TAF7L: variants seen among roughly 807,000 people sequenced by gnomAD.
TAF7L encodes the protein TATA-box binding protein associated factor 7 like.
TAF7L carries 6 observed loss-of-function variants against 30.2 expected under a neutral mutation model. The observed-to-expected ratio is 0.20, with a 90% CI of 0.11 to 0.39. The LOEUF (loss-of-function observed/expected upper bound fraction) is 0.39. Ranked by LOEUF, TAF7L falls within the 10% of genes least tolerant of loss-of-function variation. The pLI is 1.00. For synonymous variants in TAF7L, 93 were observed against 94.5 expected (o/e 0.98, Z 0.09); for missense variants, 284 against 277.1 (o/e 1.03, Z -0.18).
At chrX:101,275,324 G>GAAAA in intron 11 of TAF7L, 43 bp from the exon 12 acceptor site, 3 of 682,539 alleles carry the variant, frequency 4.4e-6, no homozygotes, top group Admixed American at 4.1e-5. Context: ...GAGTCTCAAA[G>GAAAA]AAAAAAAAAA....
chrX:101,274,441 A>C (rs1924090444), intron 12 of TAF7L, among the ~76,000 whole-genome samples: 1 of 111,163 alleles, frequency 9.0e-6, no homozygotes, highest in Non-Finnish European at 1.9e-5. Flanking sequence ...TCCTGAGCTA[A>C]AGCAATCCTC....
At chrX:101,271,036 T>C (rs574145753) in intron 12 of TAF7L, among the ~76,000 whole-genome samples, 2 of 111,536 alleles carry the variant, frequency 1.8e-5, no homozygotes, top group African/African-American at 6.5e-5. Context: ...TTAATATCCA[T>C]GGACAATCTG....
intron 12 of TAF7L, among the ~76,000 whole-genome samples, chrX:101,274,191 T>C (rs1022974386): frequency 1.8e-5 from 2 of 109,656 alleles, no homozygotes; most frequent in Admixed American, 9.9e-5. Flanking sequence ...CCAAATAACA[T>C]TGTTAGTTCA....
At position 101,279,968 on chromosome X, in the gene TAF7L, CAAA is replaced by C. The variant is rs1169963740; in HGVS notation, c.463-936_463-934del. Among the ~76,000 whole-genome samples, 366 of 100,448 alleles carry C rather than the reference CAAA, an allele frequency of 3.6e-3. 2 individuals carry two copies. Among genetic ancestry groups the C allele is most frequent in the African/African-American group, 0.012 (354 of 28,715 alleles). 87.2% of individuals were successfully genotyped at this position (100,448 alleles called of 115,157 possible). ...AACAAAAACAAAACAACAACAACAACAAAAAAAAAACCTTGAACTAAACCTCAT... is the reference window on the plus strand; with the variant it reads ...AACAAAAACAAAACAACAACAACAACAAAAAAACCTTGAACTAAACCTCAT... On this transcript the variant is annotated intron_variant, in intron 6 of 12. Transcript: ENST00000356784.
In TAF7L at chrX:101,291,272, T is replaced by C. The variant is rs1243437031; in HGVS notation, c.-51A>G. On this transcript the variant is annotated 5_prime_UTR_variant, in exon 1 of 13. Transcript: ENST00000356784. The stretch of plus-strand genomic sequence containing the variant: ...GACACCGAAAAGGCTGGGACCTGCG[T>C]CTCTGGTCTGTGGGTTCCGGACGAA... 1.3e-5 allele frequency: 10 copies of C among 752,370 alleles called. No homozygotes were observed. The highest frequency in any genetic ancestry group is 1.4e-5 in the Non-Finnish European group (9 of 638,748). 62.0% of individuals were successfully genotyped at this position (752,370 alleles called of 1,213,427 possible).
At chrX:101,269,308 T>G in intron 12 of TAF7L, 71 bp from the exon 13 acceptor site, 1 of 973,992 alleles carries the variant, frequency 1.0e-6, no homozygotes, top group Middle Eastern at 2.7e-4. Context: ...ATCTAGAATT[T>G]ACTTAAATGA....
chrX:101,287,815 G>C, intron 1 of TAF7L: 1 of 252,333 alleles, frequency 4.0e-6, no homozygotes. Context: ...TGAAATAAGA[G>C]CTGTTATGAA....
chrX:101,287,149 G>A (rs1206577948), intron 2 of TAF7L, among the ~76,000 whole-genome samples: 1 of 111,477 alleles, frequency 9.0e-6, no homozygotes, highest in Non-Finnish European at 1.9e-5. Context: ...CCCCTTTTGA[G>A]GTGACAGAAA....
At chrX:101,287,654 C>A (rs1425042178) in intron 1 of TAF7L, 109 bp from the exon 2 acceptor site, 34 of 530,040 alleles carry the variant, frequency 6.4e-5, no homozygotes, top group Non-Finnish European at 9.9e-5. Context: ...AAGATCTTGC[C>A]CATAATCCTC....
intron 4 of TAF7L, 65 bp from the exon 5 acceptor site, chrX:101,282,518 T>C: frequency 8.9e-7 from 1 of 1,121,111 alleles, no homozygotes; most frequent in Non-Finnish European, 1.2e-6. Flanking sequence ...ATCATAATCA[T>C]TCTTACCACT....
In TAF7L at chrX:101,278,106, C is replaced by A; in HGVS notation, c.520G>T (p.Asp174Tyr). The A allele has an allele frequency of 8.3e-7, 1 of 1,210,747 alleles. No homozygotes were observed. The highest frequency in any genetic ancestry group is 1.1e-6 in the Non-Finnish European group (1 of 894,576). Reference protein sequence around the residue: ...SSFTEYIESPDVENEVKRLLR... With the variant: ...SSFTEYIESPYVENEVKRLLR... ...AGTCTCTTTACTTCATTTTCCACGT[C>A]TGGAGATTCAATGTACTGAAGCAAA... The change falls in exon 8 of 13, where the codon GAC (aspartate) becomes TAC (tyrosine). Residue 174 changes from aspartate (D) to tyrosine (Y), a missense_variant. Transcript: ENST00000356784.
intron 12 of TAF7L, among the ~76,000 whole-genome samples, chrX:101,274,155 T>G (rs1417750311): frequency 8.9e-6 from 1 of 111,897 alleles, no homozygotes; most frequent in Non-Finnish European, 1.9e-5. Context: ...ACTGCAACTT[T>G]AAGCAAAATG....
At position 101,268,912 on chromosome X, in the gene TAF7L, C is replaced by A. The variant is rs1177177151; in HGVS notation, c.*281G>T. On this transcript the variant is annotated 3_prime_UTR_variant, in exon 13 of 13. Coordinates refer to ENST00000356784, the MANE Select transcript of TAF7L (RefSeq NM_001168474.2). ...CCCAGGAGTCTGAATTCAGCCTGGG[C>A]AACATAACAAGACCCCATTTCTAAA... The A allele has an allele frequency of 1.7e-5, 4 of 231,740 alleles. No individual in the cohort carries two copies. The highest frequency in any genetic ancestry group is 3.1e-5 in the Non-Finnish European group (4 of 129,796). 19.1% of individuals were successfully genotyped at this position (231,740 alleles called of 1,213,427 possible).
rs908510667 is a variant in TAF7L, at chrX:101,268,637, C to A, written c.*556G>T. ...GCACTTAAACTCACTATGGCAGGTC[C>A]TAGTGCTTAGTAGAAATGACCTCGT... is the stretch of plus-strand genomic sequence containing the variant. On this transcript the variant is annotated 3_prime_UTR_variant, in exon 13 of 13. Transcript: ENST00000356784. 1.8e-5 allele frequency: 2 copies of A among 112,023 alleles called. No individual in the cohort carries two copies. Among genetic ancestry groups the A allele is most frequent in the Non-Finnish European group, 3.8e-5 (2 of 53,326 alleles). 9.2% of individuals were successfully genotyped at this position (112,023 alleles called of 1,213,427 possible).
intron 11 of TAF7L, 141 bp downstream of exon 11, chrX:101,275,859 T>C (rs1349683259): frequency 2.1e-5 from 9 of 423,866 alleles, no homozygotes; most frequent in Non-Finnish European, 3.6e-5. Flanking sequence ...AACAGGGTTA[T>C]CTTTTATTAG....
chrX:101,293,058 TG>T (rs1302411132), upstream of TAF7L: 1 of 1,210,139 alleles, frequency 8.3e-7, no homozygotes, highest in Non-Finnish European at 1.1e-6. Flanking sequence ...CCCACCTCGT[TG>T]GGGTTGTAAA....
chrX:101,274,439 T>G (rs1480850947), intron 12 of TAF7L, among the ~76,000 whole-genome samples: 1 of 111,252 alleles, frequency 9.0e-6, no homozygotes, highest in Non-Finnish European at 1.9e-5. Context: ...ACTCCTGAGC[T>G]AAAGCAATCC....
At chrX:101,278,197 C>T in intron 7 of TAF7L, 76 bp from the exon 8 acceptor site, 1 of 785,398 alleles carries the variant, frequency 1.3e-6, no homozygotes, top group Non-Finnish European at 1.9e-6. Context: ...GAGTGCCCTC[C>T]TACGTACCAA....
intron 5 of TAF7L, 110 bp from the exon 6 acceptor site, chrX:101,281,885 CT>C (rs150397187): frequency 0.29 from 111,944 of 379,787 alleles, 5,067 homozygotes; most frequent in African/African-American, 0.47. Context: ...GACATCACTC[CT>C]TTTTTTTTTT....
Sources: gnomAD v4.1 joint callset for allele counts (sites outside exome capture counted in the v4.1 genomes callset) on GRCh38, gnomAD v4.1.1 for gene constraint, MANE v1.5 for transcripts, NCBI Gene and HGNC (gene_info 2026-07-23, HGNC 2026-07-21) for gene names.